The following CWC27 variants were observed in gnomAD, a reference collection of about 807,000 sequenced individuals.
The protein encoded by CWC27 is spliceosome-associated protein CWC27 homolog.
CWC27 carries 47 observed loss-of-function variants against 63.6 expected under a neutral mutation model. The observed-to-expected ratio is 0.74, with a 90% CI of 0.58 to 0.94. The LOEUF (loss-of-function observed/expected upper bound fraction) is 0.94, where lower values mean the gene tolerates loss of function less well. Among genes scored for constraint, CWC27 ranks in the 40% least tolerant of loss-of-function variants. The pLI is 0.00. For missense variants in CWC27, 495 were observed against 554.3 expected, an observed-to-expected ratio of 0.89 and a Z score of 1.07; for synonymous variants, 175 against 179.8, an observed-to-expected ratio of 0.97 and a Z score of 0.22.
chr5:65,002,558 G>T (rs1209432239), intron 13 of CWC27, among the ~76,000 whole-genome samples: 1 of 151,974 alleles, frequency 6.6e-6, no homozygotes, highest in African/African-American at 2.4e-5. Context: ...GGTCATTTGG[G>T]AGCATGTTGT....
At chr5:64,882,891 C>T (rs528032318) in intron 10 of CWC27, among the ~76,000 whole-genome samples, 7 of 152,234 alleles carry the variant, frequency 4.6e-5, no homozygotes, top group South Asian at 2.1e-4. Context: ...CCACCACACC[C>T]GGCTCCTTTT....
intron 13 of CWC27, among the ~76,000 whole-genome samples, chr5:64,993,994 T>C (rs1013423356): frequency 5.9e-5 from 9 of 152,248 alleles, no homozygotes; most frequent in Non-Finnish European, 1.3e-4. Flanking sequence ...TAGTTGTCTG[T>C]ATTTCTTTAA....
chr5:64,864,996 A>G (rs1371766057), intron 10 of CWC27, among the ~76,000 whole-genome samples: 1 of 152,090 alleles, frequency 6.6e-6, no homozygotes, highest in Non-Finnish European at 1.5e-5. Context: ...TATGCCTCCT[A>G]TATAATTGAA....
At chr5:64,973,861 C>T (rs936224940) in intron 12 of CWC27, among the ~76,000 whole-genome samples, 6 of 152,058 alleles carry the variant, frequency 3.9e-5, no homozygotes, top group Non-Finnish European at 7.4e-5. Flanking sequence ...AATTTCATTC[C>T]ATTTAGAAGT....
intron 11 of CWC27, among the ~76,000 whole-genome samples, chr5:64,917,646 C>T (rs538267211): frequency 1.5e-3 from 233 of 152,228 alleles, no homozygotes; most frequent in African/African-American, 5.3e-3. Context: ...CTGAATAGAA[C>T]AAAAAGGCTG....
intron 11 of CWC27, among the ~76,000 whole-genome samples, chr5:64,896,523 C>T (rs1325842482): frequency 1.3e-5 from 2 of 151,928 alleles, no homozygotes; most frequent in Non-Finnish European, 2.9e-5. Flanking sequence ...AAGCATTCTA[C>T]GGCCCTTTTA....
intron 10 of CWC27, among the ~76,000 whole-genome samples, chr5:64,805,675 T>C (rs920597555): frequency 6.6e-6 from 1 of 152,066 alleles, no homozygotes; most frequent in African/African-American, 2.4e-5. Context: ...AACTCCCAAC[T>C]CAGTCTTGTA....
rs1414031487 is a variant in CWC27, at chr5:65,018,319, T to C, written c.1417T>C (p.Ter473GlnextTer31). ...KLMREKKERR[*>Q] is the part of the protein sequence containing the mutation. Reference sequence around the variant, plus strand: ...GATGAGAGAGAAAAAAGAAAGAAGATAAAATGAGAATAATGATAACCAGAA... The same window carrying C: ...GATGAGAGAGAAAAAAGAAAGAAGACAAAATGAGAATAATGATAACCAGAA... The change falls in exon 14 of 14, where the codon TAA (stop) becomes CAA (glutamine). Residue 473 changes from the stop codon to glutamine (Q), a stop_lost. Transcript: ENST00000381070. 1.3e-6 allele frequency: 2 copies of C among 1,588,798 alleles called. No homozygotes were observed. Among genetic ancestry groups the C allele is most frequent in the Non-Finnish European group, 1.7e-6 (2 of 1,172,236 alleles).
intron 11 of CWC27, among the ~76,000 whole-genome samples, chr5:64,922,657 G>A (rs370090688): frequency 6.6e-6 from 1 of 152,306 alleles, no homozygotes; most frequent in East Asian, 1.9e-4. Context: ...CCATTGCTGG[G>A]GAGCTAGTGT....
chr5:64,824,030 AT>A (rs1245064953), intron 10 of CWC27, among the ~76,000 whole-genome samples: 1 of 152,194 alleles, frequency 6.6e-6, no homozygotes, highest in Non-Finnish European at 1.5e-5. Context: ...GATTATAGAT[AT>A]GTTCACTGAA....
At chr5:65,016,497 G>C (rs949143410) in intron 13 of CWC27, among the ~76,000 whole-genome samples, 2 of 151,628 alleles carry the variant, frequency 1.3e-5, no homozygotes, top group Non-Finnish European at 2.9e-5. Context: ...TAATAATGAA[G>C]TATAAAAATG....
intron 7 of CWC27, 22 bp from the exon 8 acceptor site, chr5:64,800,226 T>G: frequency 6.5e-7 from 1 of 1,539,650 alleles, no homozygotes; most frequent in Non-Finnish European, 8.9e-7. Flanking sequence ...CCCCTCATGA[T>G]TATATTGTAC....
At chr5:64,795,089 C>G (rs1744220787) in intron 7 of CWC27, among the ~76,000 whole-genome samples, 2 of 152,090 alleles carry the variant, frequency 1.3e-5, no homozygotes, top group African/African-American at 4.8e-5. Flanking sequence ...GACCGTTTCG[C>G]CACTTTTGAG....
In CWC27 at chr5:64,882,830, T is replaced by C. The variant is rs538947387; in HGVS notation, c.939-2613T>C. 1.0e-3 allele frequency among the ~76,000 whole-genome samples: 159 copies of C among 152,260 alleles called. 2 individuals carry two copies. The highest frequency in any genetic ancestry group is 3.9e-3 in the East Asian group (20 of 5,170). On this transcript the variant is annotated intron_variant, in intron 10 of 13. Transcript: ENST00000381070. ...CCAGGATGGTCTCGATCTCCTGACC[T>C]CGTGATCCACCTGCCTTGGCCTCCC...
intron 11 of CWC27, among the ~76,000 whole-genome samples, chr5:64,927,354 C>T (rs928588844): frequency 1.4e-4 from 22 of 152,152 alleles, no homozygotes; most frequent in African/African-American, 5.3e-4. Context: ...CAGATGGCCT[C>T]TCTGTGCCAG....
chr5:64,835,146 G>A lies in CWC27; in HGVS notation c.938+30760G>A, dbSNP rs1164997640. On this transcript the variant is annotated intron_variant, in intron 10 of 13. Transcript: ENST00000381070. The stretch of plus-strand genomic sequence containing the variant: ...TGTGAATAAAAAGCTATCATTTCAG[G>A]CACATAATAGACTGAAGAAAGTTTT... Among the ~76,000 whole-genome samples, 8 of 151,568 alleles carry A rather than the reference G, an allele frequency of 5.3e-5. No homozygotes were observed. In the South Asian group the frequency reaches 6.2e-4, roughly 12 times the overall value.
chr5:64,981,020 A>G (rs921326180), intron 13 of CWC27, among the ~76,000 whole-genome samples: 13 of 152,154 alleles, frequency 8.5e-5, no homozygotes, highest in Non-Finnish European at 1.5e-4. Context: ...TGAACCTGAA[A>G]GGTGGAGGTT....
intron 10 of CWC27, among the ~76,000 whole-genome samples, chr5:64,871,577 G>A (rs1746676430): frequency 6.6e-6 from 1 of 152,168 alleles, no homozygotes; most frequent in African/African-American, 2.4e-5. Context: ...AAGCAGAGCT[G>A]AGACCATGAA....
intron 11 of CWC27, among the ~76,000 whole-genome samples, chr5:64,914,517 A>G (rs191594830): frequency 6.6e-6 from 1 of 152,296 alleles, no homozygotes; most frequent in African/African-American, 2.4e-5. Context: ...GTGTCCACTA[A>G]TCATAAGAAA....
Sources: allele counts gnomAD v4.1 joint callset (sites outside exome capture counted in the v4.1 genomes callset), GRCh38; gene constraint gnomAD v4.1.1; transcripts MANE v1.5; gene names NCBI Gene and HGNC (gene_info 2026-07-23, HGNC 2026-07-21).